The following FBXW4 variants were observed in gnomAD, a reference collection of about 807,000 sequenced individuals.
The protein encoded by FBXW4 is F-box and WD repeat domain containing 4.
In FBXW4, 40 loss-of-function variants were observed where a neutral mutation model predicts 61.8. The observed-to-expected ratio is 0.65, with a 90% CI of 0.50 to 0.84. The LOEUF is 0.84. Ranked by LOEUF, FBXW4 falls within the 40% of genes least tolerant of loss-of-function variation. The pLI, the probability that FBXW4 is intolerant of heterozygous loss-of-function variation, is 0.00. For missense variants in FBXW4, 672 were observed against 753.8 expected (o/e 0.89, Z 1.27); for synonymous variants, 311 against 313.8 (o/e 0.99, Z 0.10).
At chr10:101,626,263 CCT>C (rs962696981) in intron 5 of FBXW4, 3 of 152,680 alleles carry the variant, frequency 2.0e-5, no homozygotes, top group Non-Finnish European at 2.9e-5. Context: ...TGACTGCCAG[CCT>C]GGGAAGCAGC....
intron 1 of FBXW4, among the ~76,000 whole-genome samples, chr10:101,682,988 T>G (rs1385576262): frequency 6.6e-6 from 1 of 152,224 alleles, no homozygotes; most frequent in Non-Finnish European, 1.5e-5. Context: ...ATCTATATTT[T>G]TATTGGCTTC....
intron 1 of FBXW4, among the ~76,000 whole-genome samples, chr10:101,677,720 A>G (rs970874436): frequency 5.3e-5 from 8 of 151,946 alleles, no homozygotes; most frequent in Non-Finnish European, 1.2e-4. Flanking sequence ...CAGGAATTCG[A>G]GGTTACAGTG....
At chr10:101,632,362 T>C (rs897841168) in intron 5 of FBXW4, among the ~76,000 whole-genome samples, 1 of 151,946 alleles carries the variant, frequency 6.6e-6, no homozygotes, top group African/African-American at 2.4e-5. Context: ...CTCCAACAAA[T>C]AAGGGCCAGC....
chr10:101,638,510 G>A (rs1387518571), intron 5 of FBXW4, among the ~76,000 whole-genome samples: 3 of 149,536 alleles, frequency 2.0e-5, no homozygotes, highest in African/African-American at 7.3e-5. Context: ...AAAAAGAGTA[G>A]GATAACGGGA....
intron 6 of FBXW4, among the ~76,000 whole-genome samples, chr10:101,623,633 G>A (rs894451128): frequency 2.6e-5 from 4 of 152,242 alleles, no homozygotes; most frequent in Non-Finnish European, 4.4e-5. Flanking sequence ...AAACCTGTAC[G>A]TGTTGTAATA....
chr10:101,679,862 G>C (rs1428064557), intron 1 of FBXW4, among the ~76,000 whole-genome samples: 1 of 152,086 alleles, frequency 6.6e-6, no homozygotes, highest in East Asian at 1.9e-4. Context: ...GTACCCAGTA[G>C]GTAATTTTTC....
intron 5 of FBXW4, 196 bp from the exon 6 acceptor site, chr10:101,625,006 G>A: frequency 1.6e-6 from 1 of 640,774 alleles, no homozygotes; most frequent in South Asian, 1.8e-5. Flanking sequence ...GCCCCCAGTG[G>A]TGCCTGGCCA....
At chr10:101,655,295 T>C (rs2064176204) in intron 5 of FBXW4, among the ~76,000 whole-genome samples, 1 of 152,232 alleles carries the variant, frequency 6.6e-6, no homozygotes, top group Non-Finnish European at 1.5e-5. Flanking sequence ...CTCTAACTTT[T>C]CCTCTTTTTA....
chr10:101,676,563 A>C lies in FBXW4; in HGVS notation c.726-127T>G. On this transcript the variant is annotated intron_variant, in intron 1 of 8. Transcript: ENST00000331272. ...CAAGTAAAGAGATTAGGAGACCAGGAAGGAGTAACTGTTCTCTCTCCATAC... is the reference window on the plus strand; with the variant it reads ...CAAGTAAAGAGATTAGGAGACCAGGCAGGAGTAACTGTTCTCTCTCCATAC... 5 of 664,574 alleles carry C rather than the reference A, an allele frequency of 7.5e-6. No individual in the cohort carries two copies. The South Asian group carries it at 7.7e-5, about 10-fold the overall frequency. The allele number at this position is 664,574 out of a possible 1,614,324, so 41.2% of individuals were successfully genotyped here.
intron 5 of FBXW4, among the ~76,000 whole-genome samples, chr10:101,662,188 C>T (rs1387647962): frequency 6.6e-6 from 1 of 152,170 alleles, no homozygotes; most frequent in African/African-American, 2.4e-5. Context: ...TGTATTTCAA[C>T]AGGCCGCTGA....
rs531713881 is a variant in FBXW4 at position 101,638,679 on chromosome 10, G to A, written c.1236-13869C>T. Among the ~76,000 whole-genome samples, 4 of 152,246 alleles carry A rather than the reference G, an allele frequency of 2.6e-5. No homozygotes were observed. In the South Asian group the frequency reaches 8.3e-4, roughly 32 times the overall value. ...GAATGGTAATCAAAATACTCATTTT[G>A]AAGTTACCTGAAAGATGTGTTGCAT... On this transcript the variant is annotated intron_variant, in intron 5 of 8. Coordinates refer to ENST00000331272, the MANE Select transcript of FBXW4 (RefSeq NM_022039.4).
At chr10:101,692,053 T>C (rs1311608496) in intron 1 of FBXW4, among the ~76,000 whole-genome samples, 2 of 151,488 alleles carry the variant, frequency 1.3e-5, no homozygotes, top group Non-Finnish European at 2.9e-5. Context: ...AACTTTATCA[T>C]GAAAACCACA....
At chr10:101,657,865 T>C (rs2064203613) in intron 5 of FBXW4, among the ~76,000 whole-genome samples, 1 of 152,152 alleles carries the variant, frequency 6.6e-6, no homozygotes, top group African/African-American at 2.4e-5. Context: ...AAATTCAGTA[T>C]CAACACAACC....
Position 101,611,625 on chromosome 10 carries a change from T to A in FBXW4, c.1584+3A>T. On this transcript the variant is annotated splice_donor_region_variant and intron_variant, in intron 8 of 8. Transcript: ENST00000331272. The surrounding 1 kb of genome is among the most constrained non-coding windows in gnomAD (Gnocchi z 4.9). ...CTGGAGAAGAGGTGGGCAGGACACTTACGTGCAGGCAGGCCCTTTGACGCC... is the reference window on the plus strand; with the variant it reads ...CTGGAGAAGAGGTGGGCAGGACACTAACGTGCAGGCAGGCCCTTTGACGCC... The A allele has an allele frequency of 6.2e-7, 1 of 1,614,078 alleles. No individual in the cohort carries two copies. Among genetic ancestry groups the A allele is most frequent in the Non-Finnish European group, 8.5e-7 (1 of 1,179,932 alleles).
intron 5 of FBXW4, among the ~76,000 whole-genome samples, chr10:101,648,043 C>T (rs2064115599): frequency 6.6e-6 from 1 of 152,180 alleles, no homozygotes; most frequent in Non-Finnish European, 1.5e-5. Context: ...ACAGGTCACC[C>T]AATCATCAGG....
At chr10:101,625,715 G>A (rs1403078607) in intron 5 of FBXW4, 1 of 152,284 alleles carries the variant, frequency 6.6e-6, no homozygotes, top group Non-Finnish European at 1.5e-5. Context: ...GTGGAGAGGG[G>A]AAGCCTTCAG....
Position 101,624,739 on chromosome 10 carries a change from T to C in FBXW4, c.1301+6A>G, listed in dbSNP as rs778724143. ...GGAAGCCAGCATGGGCTCATGAATC[T>C]CTTACCTGTTGAGGTCCCAGATTCT... On this transcript the variant is annotated splice_donor_region_variant and intron_variant, in intron 6 of 8. Transcript: ENST00000331272. 1 of 1,614,152 alleles carries C rather than the reference T, an allele frequency of 6.2e-7. No homozygotes were observed. Among genetic ancestry groups the C allele is most frequent in the Non-Finnish European group, 8.5e-7 (1 of 1,180,018 alleles).
intron 5 of FBXW4, among the ~76,000 whole-genome samples, chr10:101,663,498 AAT>A (rs2064265022): frequency 6.6e-6 from 1 of 152,120 alleles, no homozygotes. Context: ...CATTTTTTAA[AAT>A]CTGCTTTTTG....
chr10:101,672,208 C>G (rs2064364236), intron 4 of FBXW4, among the ~76,000 whole-genome samples: 1 of 152,218 alleles, frequency 6.6e-6, no homozygotes, highest in Non-Finnish European at 1.5e-5. Context: ...AAAGTTCCCA[C>G]AGCAACCCTA....
Sources: allele counts gnomAD v4.1 joint callset (sites outside exome capture counted in the v4.1 genomes callset), GRCh38; gene constraint gnomAD v4.1.1; non-coding constraint Gnocchi (gnomAD v3.1); transcripts MANE v1.5; gene names NCBI Gene and HGNC (gene_info 2026-07-23, HGNC 2026-07-21).